SGSM2: variants seen among roughly 807,000 people sequenced by gnomAD.
SGSM2 encodes the protein RUN and TBC1 domain containing 1.
In SGSM2, 89 loss-of-function variants were observed where a neutral mutation model predicts 126.6. The observed-to-expected ratio is 0.70, with a 90% CI of 0.59 to 0.84. SGSM2 has a LOEUF of 0.84. Ranked by LOEUF, SGSM2 falls within the 40% of genes least tolerant of loss-of-function variation. The pLI, the probability that SGSM2 is intolerant of heterozygous loss-of-function variation, is 0.00. For missense variants in SGSM2, 1,404 were observed against 1,416.6 expected, an observed-to-expected ratio of 0.99 and a Z score of 0.14; for synonymous variants, 614 against 574.3, an observed-to-expected ratio of 1.07 and a Z score of -0.99.
intron 2 of SGSM2, 42 bp from the exon 3 acceptor site, chr17:2,361,595 C>T (rs747057858): frequency 4.9e-5 from 79 of 1,602,316 alleles, no homozygotes; most frequent in Middle Eastern, 2.0e-4. Flanking sequence ...CCTGCTCCCC[C>T]GTCTTTCCCA....
rs2151618795 is a variant in SGSM2, at chr17:2,372,095, T to C, written c.1578-95T>C. ...TCCTCCTCGCACCCTCCCCAGTGCC[T>C]TACCTGCCCCCCAGGACAGAGCCTC... On this transcript the variant is annotated intron_variant, in intron 13 of 23. Transcript: ENST00000268989. The surrounding 1 kb of genome is among the most constrained non-coding windows in gnomAD (Gnocchi z 6.0). 1 of 1,460,028 alleles carries C rather than the reference T, an allele frequency of 6.8e-7. No individual in the cohort carries two copies. The highest frequency in any genetic ancestry group is 1.1e-5 in the South Asian group (1 of 87,084). 90.4% of individuals were successfully genotyped at this position (1,460,028 alleles called of 1,614,324 possible).
intron 1 of SGSM2, among the ~76,000 whole-genome samples, chr17:2,343,075 G>C (rs371113975): frequency 5.3e-5 from 8 of 152,208 alleles, no homozygotes; most frequent in Non-Finnish European, 1.5e-5. Flanking sequence ...TGGAAAGAAG[G>C]CTGGGCTTTT....
chr17:2,365,052 G>A lies in SGSM2; in HGVS notation c.1156G>A (p.Gly386Arg). ...QLEPPLWTQQ[G>R]KGKVFPKLRK... ...AGAGCCCCCGCTGTGGACCCAGCAAGGGAAGGTAACTCGGGTGGGAGGCTT... is the reference window on the plus strand; with the variant it reads ...AGAGCCCCCGCTGTGGACCCAGCAAAGGAAGGTAACTCGGGTGGGAGGCTT... Residue 386 changes from glycine (G) to arginine (R), a missense_variant, in exon 10 of 24, where the codon GGG becomes AGG. Transcript: ENST00000268989. The A allele has an allele frequency of 1.2e-6, 2 of 1,612,384 alleles. No individual in the cohort carries two copies. The highest frequency in any genetic ancestry group is 1.7e-6 in the Non-Finnish European group (2 of 1,179,392).
At position 2,365,107 on chromosome 17, in the gene SGSM2, GCCCGCCT is replaced by G. The variant is rs1241517831; in HGVS notation, c.1161+54_1161+60del. 3.1e-6 allele frequency: 5 copies of G among 1,600,216 alleles called. No individual in the cohort carries two copies. The African/African-American group carries it at 6.7e-5, about 21-fold the overall frequency. On this transcript the variant is annotated intron_variant, in intron 10 of 23. Transcript: ENST00000268989. ...GGAAGGGCTGTGTGTGGGGTTCTCTGCCCGCCTCCCTTCCTTCCCCACGTGGAGTTCT... is the reference window on the plus strand; with the variant it reads ...GGAAGGGCTGTGTGTGGGGTTCTCTGCCCTTCCTTCCCCACGTGGAGTTCT...
intron 17 of SGSM2, among the ~76,000 whole-genome samples, chr17:2,374,867 A>G (rs1450021069): frequency 6.6e-6 from 1 of 152,180 alleles, no homozygotes; most frequent in Non-Finnish European, 1.5e-5. Flanking sequence ...AAACAGAGAG[A>G]GAAAAATCCC....
At chr17:2,365,108 C>A in intron 10 of SGSM2, 51 bp downstream of exon 10, 1 of 1,599,748 alleles carries the variant, frequency 6.3e-7, no homozygotes, top group Admixed American at 1.7e-5. Context: ...GGGTTCTCTG[C>A]CCGCCTCCCT....
intron 21 of SGSM2, 31 bp downstream of exon 21, chr17:2,377,099 A>G (rs369922026): frequency 1.4e-6 from 2 of 1,442,306 alleles, no homozygotes; most frequent in South Asian, 1.2e-5. Context: ...TGGGCATGGG[A>G]GCAGGCAGTG....
chr17:2,343,059 C>G (rs2064447394), intron 1 of SGSM2, among the ~76,000 whole-genome samples: 2 of 152,052 alleles, frequency 1.3e-5, no homozygotes, highest in African/African-American at 4.8e-5. Flanking sequence ...AGTTCTAGAC[C>G]CTAGATGGAA....
In SGSM2 at chr17:2,362,113, C is replaced by A; in HGVS notation, c.301C>A (p.Pro101Thr). The A allele has an allele frequency of 6.2e-7, 1 of 1,610,798 alleles. No individual in the cohort carries two copies. Among genetic ancestry groups the A allele is most frequent in the Non-Finnish European group, 8.5e-7 (1 of 1,179,038 alleles). ...ELQQQAEGRK[P>T]SGVSQEALRR... ...GAGCCCTCCCCGCCTTTGCAGGAAA[C>A]CCTCAGGGGTCAGCCAGGAGGCCCT... Residue 101 changes from proline to threonine, a missense_variant, in exon 4 of 24, where the codon CCC becomes ACC. Physicochemically the swap from Pro to Thr is conservative, Grantham distance 38. Transcript: ENST00000268989. The surrounding 1 kb of genome is among the most constrained non-coding windows in gnomAD (Gnocchi z 4.9).
rs187971442 is a variant in SGSM2 at position 2,372,576 on chromosome 17, C to T, written c.1788+88C>T. On this transcript the variant is annotated intron_variant, in intron 15 of 23. Transcript: ENST00000268989. This position sits in a 1 kb window ranked among gnomAD's most constrained non-coding sequence, Gnocchi z 6.0. Reference sequence around the variant, plus strand: ...TCAGGGTAAAATGTGCCAGTGGGTGCGGTTGACAGGCCAGGGCCGATGCCA... The same window carrying T: ...TCAGGGTAAAATGTGCCAGTGGGTGTGGTTGACAGGCCAGGGCCGATGCCA... 4.2e-5 allele frequency: 63 copies of T among 1,517,080 alleles called. No homozygotes were observed. The highest frequency in any genetic ancestry group is 1.3e-4 in the South Asian group (11 of 82,754). 94.0% of individuals were successfully genotyped at this position (1,517,080 alleles called of 1,614,324 possible). A position where few individuals can be genotyped will look rare whatever the true frequency, so the allele number is the denominator to read the frequency against.
At chr17:2,376,345 G>C in intron 19 of SGSM2, 84 bp downstream of exon 19, 3 of 1,562,900 alleles carry the variant, frequency 1.9e-6, no homozygotes, top group South Asian at 2.3e-5. Context: ...AAGGTGCCCT[G>C]CTCCTCTCTC....
At chr17:2,354,993 GA>G (rs2065037436) in intron 2 of SGSM2, among the ~76,000 whole-genome samples, 2 of 65,574 alleles carry the variant, frequency 3.0e-5, no homozygotes, top group African/African-American at 9.9e-5. Context: ...AGGGTTGGGG[GA>G]AGGGACCCCA....
At position 2,372,397 on chromosome 17, in the gene SGSM2, T is replaced by C; in HGVS notation, c.1697T>C (p.Val566Ala). The change falls in exon 15 of 24, where the codon GTG becomes GCG. Residue 566 changes from valine to alanine, a missense_variant. By Grantham distance (64) the Val-to-Ala change is moderately conservative. Transcript: ENST00000268989. This position sits in a 1 kb window ranked among gnomAD's most constrained non-coding sequence, Gnocchi z 6.0. Reference protein sequence around the residue: ...STVRTHLSALVHHSVIPPDRP... With the variant: ...STVRTHLSALAHHSVIPPDRP... Reference sequence around the variant, plus strand: ...GTGCGGACCCACCTGTCGGCGCTGGTGCACCATAGCGTTATCCCACCTGAC... The same window carrying C: ...GTGCGGACCCACCTGTCGGCGCTGGCGCACCATAGCGTTATCCCACCTGAC... 6.3e-7 allele frequency: 1 copy of C among 1,594,916 alleles called. No individual in the cohort carries two copies. Among genetic ancestry groups the C allele is most frequent in the East Asian group, 2.3e-5 (1 of 44,258 alleles).
chr17:2,339,527 A>G (rs111335664), intron 1 of SGSM2, among the ~76,000 whole-genome samples: 43,405 of 151,708 alleles, frequency 0.29, 6,476 homozygotes, highest in Admixed American at 0.36. Context: ...GATCGAGACC[A>G]TCCTGGCTAA....
chr17:2,361,674 C>T lies in SGSM2; in HGVS notation c.171C>T (p.Arg57=), dbSNP rs781558368. ...VEACLLHQLR[R]RAAGFLRSDK... is the part of the protein sequence containing the mutation. ...CTTGCCTCTTGCATCAGCTGAGACG[C>T]CGTGCCGCTGGCTTCCTGCGCAGTG... is the stretch of plus-strand genomic sequence containing the variant. The change falls in exon 3 of 24, where the codon CGC becomes CGT. Residue 57 remains arginine, a synonymous_variant. Coordinates refer to ENST00000268989, the MANE Select transcript of SGSM2 (RefSeq NM_014853.3). The T allele has an allele frequency of 1.9e-6, 3 of 1,614,020 alleles. No individual in the cohort carries two copies. The East Asian group carries it at 6.7e-5, about 36-fold the overall frequency.
intron 20 of SGSM2, 22 bp from the exon 21 acceptor site, chr17:2,376,937 C>T: frequency 1.2e-6 from 2 of 1,607,722 alleles, no homozygotes; most frequent in Non-Finnish European, 1.7e-6. Context: ...GCCCTGCCAG[C>T]TTCACTCCTG....
rs758050935 is a variant in SGSM2 at position 2,375,709 on chromosome 17, G to A, written c.2318G>A (p.Ser773Asn). Residue 773 changes from serine (S) to asparagine (N), a missense_variant, in exon 18 of 24, where the codon AGC (serine) becomes AAC (asparagine). Transcript: ENST00000268989. ...GIQSSLDEGQ[S>N]VGFEEEDGGG... ...CAGTCAAGCCTAGATGAGGGGCAGA[G>A]CGTGGGCTTCGAAGAGGAGGACGGC... 9.9e-6 allele frequency: 16 copies of A among 1,612,010 alleles called. No homozygotes were observed. The African/African-American group carries it at 1.5e-4, about 15-fold the overall frequency.
chr17:2,358,346 G>A (rs1002596012), intron 2 of SGSM2, among the ~76,000 whole-genome samples: 1 of 152,170 alleles, frequency 6.6e-6, no homozygotes, highest in African/African-American at 2.4e-5. Flanking sequence ...TTCACTAGAT[G>A]CGGGATGGCA....
At chr17:2,341,700 G>C (rs1432515079) in intron 1 of SGSM2, among the ~76,000 whole-genome samples, 1 of 152,210 alleles carries the variant, frequency 6.6e-6, no homozygotes, top group African/African-American at 2.4e-5. Context: ...CCTGCTAGCA[G>C]GTTCTCCCAG....
Sources: allele counts gnomAD v4.1 joint callset (sites outside exome capture counted in the v4.1 genomes callset), GRCh38; gene constraint gnomAD v4.1.1; non-coding constraint Gnocchi (gnomAD v3.1); transcripts MANE v1.5; gene names NCBI Gene and HGNC (gene_info 2026-07-23, HGNC 2026-07-21).